STOX2: variants seen among roughly 807,000 people sequenced by gnomAD.
STOX2 encodes the protein storkhead box 2.
STOX2 carries 28 observed loss-of-function variants against 60.9 expected under a neutral mutation model. That is an observed-to-expected ratio of 0.46 (90% CI 0.34 to 0.63). The LOEUF (loss-of-function observed/expected upper bound fraction) is 0.63, where lower values mean the gene tolerates loss of function less well. Ranked by LOEUF, STOX2 falls within the 30% of genes least tolerant of loss-of-function variation. The pLI is 0.01. For missense variants in STOX2, 1,024 were observed against 1,187.7 expected, an observed-to-expected ratio of 0.86 and a Z score of 2.03; for synonymous variants, 472 against 463.9, an observed-to-expected ratio of 1.02 and a Z score of -0.22.
At chr4:183,883,760 G>A (rs1241920368) in intron 1 of STOX2, among the ~76,000 whole-genome samples, 1 of 152,156 alleles carries the variant, frequency 6.6e-6, no homozygotes, top group Non-Finnish European at 1.5e-5. Flanking sequence ...TATCACTGAT[G>A]AAATGTGACA....
upstream of STOX2, among the ~76,000 whole-genome samples, chr4:183,903,728 TCTC>T (rs1741514314): frequency 6.6e-6 from 1 of 152,174 alleles, no homozygotes; most frequent in Non-Finnish European, 1.5e-5. Flanking sequence ...AAATGTCAGT[TCTC>T]CTACATTCAT....
At chr4:183,994,955 A>C (rs1005464751) in intron 1 of STOX2, among the ~76,000 whole-genome samples, 3 of 152,188 alleles carry the variant, frequency 2.0e-5, no homozygotes, top group Non-Finnish European at 4.4e-5. Context: ...ATTTAAAGAA[A>C]GCTAAGATAG....
intron 1 of STOX2, among the ~76,000 whole-genome samples, chr4:183,984,665 T>C (rs575575400): frequency 3.9e-5 from 6 of 152,340 alleles, no homozygotes; most frequent in African/African-American, 1.2e-4. Flanking sequence ...ATCAAGCGTT[T>C]ATTAAGATCC....
intron 1 of STOX2, among the ~76,000 whole-genome samples, chr4:183,891,297 TATATATATATATCTATGATGGA>T (rs1341329351): frequency 1.2e-4 from 1 of 8,208 alleles, no homozygotes; most frequent in African/African-American, 2.5e-4. Flanking sequence ...TATGATGGAA[TATATATATATATCTATGATGGA>T]ATATATATAT....
At chr4:183,892,440 G>A (rs866251664) in intron 1 of STOX2, among the ~76,000 whole-genome samples, 5 of 151,902 alleles carry the variant, frequency 3.3e-5, no homozygotes, top group Admixed American at 6.6e-5. Context: ...CACCACGCCC[G>A]GCTAATTTTT....
At chr4:183,954,203 G>T (rs1743177527) in intron 1 of STOX2, among the ~76,000 whole-genome samples, 2 of 152,224 alleles carry the variant, frequency 1.3e-5, no homozygotes, top group Admixed American at 1.3e-4. Flanking sequence ...CAGGGCCCGT[G>T]GGAGGAACTC....
chr4:183,880,514 G>C (rs1335189908), intron 1 of STOX2, among the ~76,000 whole-genome samples: 1 of 152,196 alleles, frequency 6.6e-6, no homozygotes, highest in African/African-American at 2.4e-5. Flanking sequence ...ATTTTAAGAA[G>C]AGAATGTCAC....
At position 183,855,272 on chromosome 4, in the gene STOX2, G is replaced by A. The variant is rs1359961219; in HGVS notation, c.364+57217G>A. The stretch of plus-strand genomic sequence containing the variant: ...GTGTATTTGTGTCTCTTCTCCTGAA[G>A]GGTGCTCTTCTGTTAGGGCAGCCCA... On this transcript the variant is annotated intron_variant, in intron 1 of 2. Transcript: ENST00000513034. Among the ~76,000 whole-genome samples, 3 of 152,188 alleles carry A rather than the reference G, an allele frequency of 2.0e-5. No individual in the cohort carries two copies. The East Asian group carries it at 5.8e-4, about 29-fold the overall frequency.
chr4:183,832,690 A>G (rs1739601223), intron 1 of STOX2, among the ~76,000 whole-genome samples: 2 of 151,872 alleles, frequency 1.3e-5, no homozygotes, highest in Admixed American at 6.6e-5. Context: ...AGGTTTTACC[A>G]TGTTGGCCAG....
chr4:184,002,386 A>T (rs1020712487), intron 2 of STOX2, among the ~76,000 whole-genome samples: 1 of 152,242 alleles, frequency 6.6e-6, no homozygotes, highest in African/African-American at 2.4e-5. Context: ...AAGAGATCTG[A>T]GTAAATATAA....
upstream of STOX2, among the ~76,000 whole-genome samples, chr4:183,904,983 A>T (rs1053908262): frequency 1.3e-5 from 2 of 152,256 alleles, no homozygotes; most frequent in Non-Finnish European, 2.9e-5. Context: ...ATGATTTTGA[A>T]CGTTGCATTG....
At chr4:183,937,420 C>T (rs374385664) in intron 1 of STOX2, among the ~76,000 whole-genome samples, 79 of 152,356 alleles carry the variant, frequency 5.2e-4, no homozygotes, top group South Asian at 3.7e-3. Context: ...TTATTTCCGA[C>T]GCTCAGGAAG....
At chr4:183,866,054 G>GAAAAC (rs1274418826) in intron 1 of STOX2, among the ~76,000 whole-genome samples, 1 of 152,162 alleles carries the variant, frequency 6.6e-6, no homozygotes, top group Admixed American at 6.5e-5. Flanking sequence ...GAGGAGCAGA[G>GAAAAC]AAAACCCACA....
At chr4:183,941,390 A>G (rs887928150) in intron 1 of STOX2, among the ~76,000 whole-genome samples, 1 of 152,108 alleles carries the variant, frequency 6.6e-6, no homozygotes, top group Non-Finnish European at 1.5e-5. Flanking sequence ...TAACATGGCA[A>G]AACTCCGTCT....
chr4:183,837,523 A>G (rs752221829), intron 1 of STOX2, among the ~76,000 whole-genome samples: 3 of 151,974 alleles, frequency 2.0e-5, no homozygotes, highest in Non-Finnish European at 4.4e-5. Flanking sequence ...CAGTGGCACA[A>G]TCTTGACTCA....
chr4:183,956,368 C>CTATG (rs1173969586), intron 1 of STOX2, among the ~76,000 whole-genome samples: 1 of 107,142 alleles, frequency 9.3e-6, no homozygotes, highest in African/African-American at 6.0e-5. Flanking sequence ...TTTGTTCTAT[C>CTATG]TATCTATCTA....
rs879582185 is a variant in STOX2 at position 184,009,932 on chromosome 4, A to G, written c.1094A>G (p.Lys365Arg). ...GRSKKSRTHR[K>R]SHGKSRSHSK... is the part of the protein sequence containing the mutation. ...AGTAAAAAGAGTAGGACTCATCGGA[A>G]GTCCCATGGAAAGTCTCGGTCTCAC... The change falls in exon 3 of 4, where the codon AAG (lysine) becomes AGG (arginine). Residue 365 changes from lysine to arginine, a missense_variant. Physicochemically the swap from Lys to Arg is conservative, Grantham distance 26 (BLOSUM62 2). Around this residue, in one of 3 missense-constraint regions of STOX2, gnomAD observed 922 missense variants for 1,058.3 expected, o/e 0.87. Coordinates refer to ENST00000308497, the MANE Select transcript of STOX2 (RefSeq NM_020225.3). This position sits in a 1 kb window ranked among gnomAD's most constrained non-coding sequence, Gnocchi z 4.0. 5.0e-6 allele frequency: 8 copies of G among 1,613,450 alleles called. No homozygotes were observed. The highest frequency in any genetic ancestry group is 5.9e-6 in the Non-Finnish European group (7 of 1,179,664).
At chr4:183,908,314 G>C (rs1741675957) in intron 1 of STOX2, among the ~76,000 whole-genome samples, 1 of 152,198 alleles carries the variant, frequency 6.6e-6, no homozygotes, top group African/African-American at 2.4e-5. Context: ...CTTCAGACTT[G>C]TGGCAGTAAA....
chr4:183,897,412 A>C (rs1741361925), intron 1 of STOX2, among the ~76,000 whole-genome samples: 1 of 152,146 alleles, frequency 6.6e-6, no homozygotes, highest in Admixed American at 6.5e-5. Flanking sequence ...GTATAACCTT[A>C]GGTTCTTCAG....
Sources: allele counts gnomAD v4.1 joint callset (sites outside exome capture counted in the v4.1 genomes callset), GRCh38; gene constraint gnomAD v4.1.1; regional missense constraint gnomAD v4.1.1; non-coding constraint Gnocchi (gnomAD v3.1); transcripts MANE v1.5; gene names NCBI Gene and HGNC (gene_info 2026-07-23, HGNC 2026-07-21).